The following REV1 variants were observed in gnomAD, a reference collection of about 807,000 sequenced individuals.
REV1 encodes the protein translesion synthesis protein REV1.
Under a neutral mutation model 137.4 loss-of-function variants are expected in REV1, and 42 were observed. The observed-to-expected ratio is 0.31, with a 90% confidence interval of 0.24 to 0.40. The LOEUF (loss-of-function observed/expected upper bound fraction) is 0.40. Ranked by LOEUF, REV1 falls within the 10% of genes least tolerant of loss-of-function variation. REV1 has a pLI of 1.00. For synonymous variants in REV1, 524 were observed against 519.2 expected, an observed-to-expected ratio of 1.01 and a Z score of -0.12; for missense variants, 1,282 against 1,490.1, an observed-to-expected ratio of 0.86 and a Z score of 2.30.
intron 1 of REV1, among the ~76,000 whole-genome samples, chr2:99,478,805 G>A (rs927200512): frequency 3.9e-5 from 6 of 152,182 alleles, no homozygotes; most frequent in Non-Finnish European, 5.9e-5. Flanking sequence ...TGAGTCTAGG[G>A]CAGGGCTGGA....
intron 5 of REV1, among the ~76,000 whole-genome samples, chr2:99,439,677 T>A (rs1319544875): frequency 6.6e-6 from 1 of 152,206 alleles, no homozygotes; most frequent in African/African-American, 2.4e-5. Flanking sequence ...TTTTCAGTTA[T>A]TTTTCCCATA....
At chr2:99,485,990 T>C (rs527298909) in intron 1 of REV1, among the ~76,000 whole-genome samples, 1 of 152,230 alleles carries the variant, frequency 6.6e-6, no homozygotes, top group African/African-American at 2.4e-5. Context: ...CCAGGCATGG[T>C]GGCACATGCC....
intron 11 of REV1, among the ~76,000 whole-genome samples, chr2:99,420,993 G>C (rs546919425): frequency 2.5e-4 from 38 of 152,324 alleles, no homozygotes; most frequent in Non-Finnish European, 4.3e-4. Context: ...TAAGTGCTGG[G>C]AGCAGCTGTG....
chr2:99,415,727 G>A (rs1677765685), intron 12 of REV1, among the ~76,000 whole-genome samples: 1 of 152,226 alleles, frequency 6.6e-6, no homozygotes, highest in African/African-American at 2.4e-5. Flanking sequence ...CTTTATGAAT[G>A]CCTACATGAT....
chr2:99,481,439 C>T (rs1286878003), intron 1 of REV1, among the ~76,000 whole-genome samples: 2 of 152,156 alleles, frequency 1.3e-5, no homozygotes, highest in African/African-American at 2.4e-5. Flanking sequence ...TCCTTCTATC[C>T]ATATTCAAAT....
chr2:99,462,164 T>C (rs1205295107), intron 3 of REV1, among the ~76,000 whole-genome samples: 3 of 152,166 alleles, frequency 2.0e-5, no homozygotes, highest in East Asian at 1.9e-4. Flanking sequence ...AAAGGACCTA[T>C]GGACAATGAC....
intron 9 of REV1, among the ~76,000 whole-genome samples, chr2:99,428,210 G>T (rs1267225503): frequency 6.6e-6 from 1 of 152,054 alleles, no homozygotes; most frequent in Non-Finnish European, 1.5e-5. Context: ...AATATTTCTG[G>T]GCTTCATCAC....
intron 1 of REV1, among the ~76,000 whole-genome samples, chr2:99,467,803 T>C (rs867413156): frequency 6.6e-6 from 1 of 152,174 alleles, no homozygotes. Context: ...CCCAGCACTT[T>C]GGGAGGCCGA....
chr2:99,459,012 T>G (rs933774590), intron 3 of REV1, among the ~76,000 whole-genome samples: 4 of 152,054 alleles, frequency 2.6e-5, no homozygotes, highest in African/African-American at 9.7e-5. Flanking sequence ...ATCAAGACCA[T>G]ACTGGCTAAC....
intron 18 of REV1, 52 bp downstream of exon 18, chr2:99,404,392 A>AG: frequency 4.2e-6 from 6 of 1,422,484 alleles, no homozygotes; most frequent in African/African-American, 1.4e-5. Flanking sequence ...AAGTTGGAGC[A>AG]GGGGGGTGAG....
chr2:99,464,804 AAG>A lies in REV1; in HGVS notation c.54+116_54+117del. The A allele has an allele frequency of 4.3e-6, 4 of 928,800 alleles. No homozygotes were observed. In the South Asian group the frequency reaches 6.1e-5, roughly 14 times the overall value. 57.5% of individuals were successfully genotyped at this position (928,800 alleles called of 1,614,324 possible). On this transcript the variant is annotated intron_variant, in intron 2 of 22. Coordinates refer to ENST00000258428, the MANE Select transcript of REV1 (RefSeq NM_016316.4). ...GCTTTCAATACACTGTGAAAACTCA[AAG>A]ATGTGGTGTCTAAAGTAATTTACAA...
chr2:99,450,933 T>A (rs536130421), intron 3 of REV1, among the ~76,000 whole-genome samples: 1 of 152,328 alleles, frequency 6.6e-6, no homozygotes, highest in South Asian at 2.1e-4. Context: ...TTTAAAAGCA[T>A]CCTTTTAAAC....
chr2:99,456,327 A>G lies in REV1; in HGVS notation c.181+6169T>C, dbSNP rs531603075. ...AAGACTCAAGTCTGTGCCCCGTGAT[A>G]GCACTTGTATTCCACTGAGGAGACA... On this transcript the variant is annotated intron_variant, in intron 3 of 22. Transcript: ENST00000258428. Among the ~76,000 whole-genome samples the G allele has an allele frequency of 3.7e-4, 56 of 152,372 alleles. No individual in the cohort carries two copies. The South Asian group carries it at 0.011, about 30-fold the overall frequency.
At chr2:99,472,445 T>TG (rs772580288) in intron 1 of REV1, among the ~76,000 whole-genome samples, 11 of 152,300 alleles carry the variant, frequency 7.2e-5, no homozygotes, top group Non-Finnish European at 1.2e-4. Flanking sequence ...GTTCTGGAGA[T>TG]GGATAGTGGT....
chr2:99,472,029 T>G (rs1685480964), intron 1 of REV1, among the ~76,000 whole-genome samples: 1 of 151,828 alleles, frequency 6.6e-6, no homozygotes, highest in South Asian at 2.1e-4. Flanking sequence ...TGAAATAGAA[T>G]TATCATGTAA....
chr2:99,404,459 A>C lies in REV1; in HGVS notation c.3030T>G (p.Leu1010=), dbSNP rs377537606. The part of the protein sequence containing the change: ...NSDAGINLIA[L]PAFSQVDPEV... ...TTTAACTTACCTGTGAAAATGCTGG[A>C]AGGGCTATTAAATTTATTCCTGCGT... is the stretch of plus-strand genomic sequence containing the variant. The change falls in exon 18 of 23, where the codon CTT becomes CTG. Residue 1010 remains leucine (L), a synonymous_variant. Transcript: ENST00000258428. 9.3e-6 allele frequency: 15 copies of C among 1,613,730 alleles called. No individual in the cohort carries two copies. The highest frequency in any genetic ancestry group is 1.3e-5 in the Non-Finnish European group (15 of 1,179,862).
At chr2:99,479,668 C>T (rs1296138548) in intron 1 of REV1, among the ~76,000 whole-genome samples, 2 of 152,000 alleles carry the variant, frequency 1.3e-5, no homozygotes, top group Non-Finnish European at 2.9e-5. Context: ...CATGGTGGCA[C>T]ACACCTGTAG....
chr2:99,437,001 T>TG (rs1340308698), intron 6 of REV1, among the ~76,000 whole-genome samples: 37 of 151,190 alleles, frequency 2.4e-4, no homozygotes, highest in Non-Finnish European at 1.6e-4. Context: ...TTTTTTTTTT[T>TG]TTTTTGAGAT....
chr2:99,477,785 T>C (rs1471417970), intron 1 of REV1, among the ~76,000 whole-genome samples: 2 of 152,210 alleles, frequency 1.3e-5, no homozygotes, highest in Non-Finnish European at 2.9e-5. Context: ...ATTCTTCTTG[T>C]TATTCATAAC....
Sources: gnomAD v4.1 joint callset for allele counts (sites outside exome capture counted in the v4.1 genomes callset) on GRCh38, gnomAD v4.1.1 for gene constraint, MANE v1.5 for transcripts, NCBI Gene and HGNC (gene_info 2026-07-23, HGNC 2026-07-21) for gene names.